The following OXR1 variants were observed in gnomAD, a reference collection of about 807,000 sequenced individuals.
OXR1 encodes oxidation resistance 1.
A neutral mutation model predicts 104.6 loss-of-function variants in OXR1; 41 were observed. That is an observed-to-expected ratio of 0.39 (90% CI 0.31 to 0.51). The LOEUF is 0.51. Ranked by LOEUF, OXR1 falls within the 20% of genes least tolerant of loss-of-function variation. OXR1 has a pLI of 0.77. For synonymous variants in OXR1, 348 were observed against 348.4 expected (o/e 1.00, Z 0.01); for missense variants, 955 against 1,031.9 (o/e 0.93, Z 1.02).
At chr8:106,675,956 G>A (rs933203122) in intron 3 of OXR1, among the ~76,000 whole-genome samples, 2 of 152,202 alleles carry the variant, frequency 1.3e-5, no homozygotes, top group African/African-American at 4.8e-5. Context: ...CTTGCTTTAT[G>A]AATCTGAGTG....
At chr8:106,703,156 C>A in intron 8 of OXR1, 66 bp downstream of exon 8, 1 of 1,023,978 alleles carries the variant, frequency 9.8e-7, no homozygotes. Flanking sequence ...TTGTCTAATA[C>A]CTTAACTATT....
chr8:106,441,903 T>C (rs1819801030), intron 2 of OXR1, among the ~76,000 whole-genome samples: 1 of 152,176 alleles, frequency 6.6e-6, no homozygotes, highest in African/African-American at 2.4e-5. Context: ...TTGAATAGCC[T>C]TTATTTCTTT....
At chr8:106,383,000 T>G (rs1817220882) in intron 2 of OXR1, among the ~76,000 whole-genome samples, 2 of 151,878 alleles carry the variant, frequency 1.3e-5, no homozygotes, top group Non-Finnish European at 2.9e-5. Context: ...TCTTTTTTTT[T>G]TTGTAACCCT....
intron 3 of OXR1, among the ~76,000 whole-genome samples, chr8:106,653,668 T>C (rs2131030849): frequency 6.6e-6 from 1 of 152,050 alleles, no homozygotes; most frequent in Middle Eastern, 3.4e-3. Context: ...CTCAATGCAT[T>C]TTCTCCAAAT....
At chr8:106,630,467 G>A (rs965108204) in intron 3 of OXR1, among the ~76,000 whole-genome samples, 3 of 152,154 alleles carry the variant, frequency 2.0e-5, no homozygotes, top group African/African-American at 4.8e-5. Context: ...TAGAAACTAA[G>A]TATTTTGATT....
At chr8:106,546,808 A>C (rs1008765682) in intron 3 of OXR1, among the ~76,000 whole-genome samples, 2 of 152,200 alleles carry the variant, frequency 1.3e-5, no homozygotes, top group East Asian at 1.9e-4. Flanking sequence ...CTTTCAACTT[A>C]ATTTTCTCCT....
intron 9 of OXR1, among the ~76,000 whole-genome samples, chr8:106,708,841 C>A (rs535646743): frequency 2.0e-4 from 30 of 152,060 alleles, no homozygotes; most frequent in Non-Finnish European, 4.0e-4. Flanking sequence ...TCTTGAGGAA[C>A]CTCCGTACTG....
At chr8:106,406,250 G>T (rs1054333642) in intron 2 of OXR1, among the ~76,000 whole-genome samples, 1 of 152,136 alleles carries the variant, frequency 6.6e-6, no homozygotes, top group Non-Finnish European at 1.5e-5. Context: ...TAACTGCTGA[G>T]TTGATTCAGA....
intron 1 of OXR1, among the ~76,000 whole-genome samples, chr8:106,297,557 A>G (rs140798025): frequency 0.011 from 1,529 of 140,842 alleles, 23 homozygotes; most frequent in Admixed American, 0.036. Flanking sequence ...TTGTAACACA[A>G]TGGTAAGTAT....
chr8:106,561,699 G>T (rs1816695103), intron 3 of OXR1, among the ~76,000 whole-genome samples: 1 of 152,174 alleles, frequency 6.6e-6, no homozygotes, highest in Non-Finnish European at 1.5e-5. Flanking sequence ...TCCCAGCAAT[G>T]GTCGACAGAC....
intron 2 of OXR1, among the ~76,000 whole-genome samples, chr8:106,431,368 G>A (rs940281904): frequency 2.6e-5 from 4 of 152,144 alleles, no homozygotes; most frequent in Non-Finnish European, 1.5e-5. Flanking sequence ...CTGTAACTCA[G>A]AGCTTTTGAC....
At chr8:106,446,966 GA>G (rs1820035727) in intron 2 of OXR1, among the ~76,000 whole-genome samples, 1 of 152,054 alleles carries the variant, frequency 6.6e-6, no homozygotes, top group Non-Finnish European at 1.5e-5. Context: ...AAAGGAAACT[GA>G]ATTTTTGTGA....
chr8:106,629,694 C>T (rs1822500342), intron 3 of OXR1, among the ~76,000 whole-genome samples: 1 of 151,986 alleles, frequency 6.6e-6, no homozygotes, highest in African/African-American at 2.4e-5. Flanking sequence ...ACAGAGAACC[C>T]ACATAATATC....
At chr8:106,698,177 G>A (rs1830253401) in intron 7 of OXR1, among the ~76,000 whole-genome samples, 2 of 152,172 alleles carry the variant, frequency 1.3e-5, no homozygotes, top group South Asian at 4.1e-4. Context: ...AGAATTTTCA[G>A]TTGATGAGGT....
intron 7 of OXR1, among the ~76,000 whole-genome samples, chr8:106,699,310 A>T (rs1830378837): frequency 6.6e-6 from 1 of 152,188 alleles, no homozygotes; most frequent in Admixed American, 6.5e-5. Flanking sequence ...ATCAGTACTC[A>T]GTTCAAAGCT....
At chr8:106,410,550 G>C (rs1161565368) in intron 2 of OXR1, among the ~76,000 whole-genome samples, 1 of 152,082 alleles carries the variant, frequency 6.6e-6, no homozygotes, top group African/African-American at 2.4e-5. Flanking sequence ...TTAGAACATT[G>C]AAAGACTTTC....
Position 106,692,873 on chromosome 8 carries a change from G to A in OXR1, c.671G>A (p.Gly224Asp), listed in dbSNP as rs1204128602. 5.0e-6 allele frequency: 8 copies of A among 1,593,348 alleles called. No homozygotes were observed. Among genetic ancestry groups the A allele is most frequent in the South Asian group, 1.1e-5 (1 of 88,730 alleles). The change falls in exon 7 of 17, where the codon GGC becomes GAC. Residue 224 changes from glycine to aspartate, a missense_variant. Physicochemically the swap from Gly to Asp is moderately conservative, Grantham distance 94. Around this residue, in one of 2 missense-constraint regions of OXR1, gnomAD observed 849 missense variants for 852.9 expected, o/e 1.00. Transcript: ENST00000517566. ...ATTAATTGCAAATATATTACCAGTGGCAAGGTAAAGAATGACACTTTAGAG... is the reference window on the plus strand; with the variant it reads ...ATTAATTGCAAATATATTACCAGTGACAAGGTAAAGAATGACACTTTAGAG... Reference protein sequence around the residue: ...LKINCKYITSGKGTVSGVLLV... With the variant: ...LKINCKYITSDKGTVSGVLLV...
intron 6 of OXR1, among the ~76,000 whole-genome samples, chr8:106,690,845 T>A (rs1364373393): frequency 1.3e-5 from 2 of 151,952 alleles, no homozygotes; most frequent in Non-Finnish European, 2.9e-5. Context: ...ATACGTTGCA[T>A]GAAGTAAATA....
intron 3 of OXR1, chr8:106,581,228 GC>G (rs1818198248): frequency 1.6e-6 from 2 of 1,288,114 alleles, no homozygotes; most frequent in African/African-American, 3.0e-5. Flanking sequence ...AAGGAAATAT[GC>G]CCAATATCCA....
Sources: gnomAD v4.1 joint callset for allele counts (sites outside exome capture counted in the v4.1 genomes callset) on GRCh38, gnomAD v4.1.1 for gene constraint, gnomAD v4.1.1 regional missense constraint, MANE v1.5 for transcripts, NCBI Gene and HGNC (gene_info 2026-07-23, HGNC 2026-07-21) for gene names.